CEP85L: variants seen among roughly 807,000 people sequenced by gnomAD.
CEP85L encodes centrosomal protein 85L.
Under a neutral mutation model 100.3 loss-of-function variants are expected in CEP85L, and 60 were observed. The observed-to-expected ratio is 0.60, with a 90% CI of 0.49 to 0.74. The LOEUF (loss-of-function observed/expected upper bound fraction) is 0.74. Ranked by LOEUF, CEP85L falls within the 30% of genes least tolerant of loss-of-function variation. The probability of loss-of-function intolerance (pLI) is 0.00; values close to 1 mark genes in which losing one functional copy is unlikely to be tolerated. For synonymous variants in CEP85L, 319 were observed against 322.7 expected (o/e 0.99, Z 0.12); for missense variants, 973 against 936.2 (o/e 1.04, Z -0.51).
chr6:118,611,513 A>C (rs1055574049), intron 2 of CEP85L, among the ~76,000 whole-genome samples: 1 of 152,180 alleles, frequency 6.6e-6, no homozygotes, highest in Non-Finnish European at 1.5e-5. Context: ...CATATAAATA[A>C]TTACATTAAA....
chr6:118,493,634 G>T (rs1349956703), intron 5 of CEP85L, among the ~76,000 whole-genome samples: 1 of 152,112 alleles, frequency 6.6e-6, no homozygotes, highest in Non-Finnish European at 1.5e-5. Flanking sequence ...TAGAGAAAAT[G>T]ATTATTTAAA....
chr6:118,471,146 C>G (rs1425470079), intron 10 of CEP85L, among the ~76,000 whole-genome samples: 3 of 151,998 alleles, frequency 2.0e-5, no homozygotes, highest in African/African-American at 7.2e-5. Context: ...AGTGAATATA[C>G]TGTGAACTCT....
intron 1 of CEP85L, among the ~76,000 whole-genome samples, chr6:118,693,746 G>A (rs1777118222): frequency 6.6e-6 from 1 of 152,294 alleles, no homozygotes; most frequent in African/African-American, 2.4e-5. Context: ...ATCACAGCTG[G>A]CCCAATTGGC....
intron 2 of CEP85L, among the ~76,000 whole-genome samples, chr6:118,609,725 A>G (rs1772481724): frequency 6.6e-6 from 1 of 152,230 alleles, no homozygotes; most frequent in Non-Finnish European, 1.5e-5. Context: ...ATTGAAGTAG[A>G]ATGTACACTA....
chr6:118,665,194 C>T (rs1218672302), intron 1 of CEP85L, among the ~76,000 whole-genome samples: 1 of 152,084 alleles, frequency 6.6e-6, no homozygotes, highest in Non-Finnish European at 1.5e-5. Context: ...CCTGTATGCT[C>T]CACTGCCCCC....
intron 2 of CEP85L, among the ~76,000 whole-genome samples, chr6:118,617,046 A>T (rs1189507697): frequency 2.0e-5 from 3 of 151,942 alleles, no homozygotes; most frequent in African/African-American, 7.3e-5. Flanking sequence ...AAATAAAAAT[A>T]AAAAAAATTT....
intron 1 of CEP85L, among the ~76,000 whole-genome samples, chr6:118,663,845 A>T (rs192749821): frequency 6.6e-6 from 1 of 152,124 alleles, no homozygotes; most frequent in African/African-American, 2.4e-5. Flanking sequence ...TACCTAACAC[A>T]ATGTAAGTGC....
chr6:118,531,421 C>T lies in CEP85L; in HGVS notation c.1021-7501G>A, dbSNP rs1777285784. Among the ~76,000 whole-genome samples, 2 of 152,022 alleles carry T rather than the reference C, an allele frequency of 1.3e-5. 1 individual carries two copies. Among genetic ancestry groups the T allele is most frequent in the Admixed American group, 1.3e-4 (2 of 15,264 alleles). On this transcript the variant is annotated intron_variant, in intron 3 of 12. Coordinates refer to ENST00000368491, the MANE Select transcript of CEP85L (RefSeq NM_001042475.3). ...AACTATAAAAACCCTGGAGAATAAC[C>T]TAGGAAATACCATTGTGGACACAGG...
Position 118,632,616 on chromosome 6 carries a change from A to G in CEP85L, c.74-5T>C. The G allele has an allele frequency of 6.2e-7, 1 of 1,605,222 alleles. No individual in the cohort carries two copies. Among genetic ancestry groups the G allele is most frequent in the Non-Finnish European group, 8.5e-7 (1 of 1,177,168 alleles). ...ATGCTGATGAATAATCTGGGCCTAA[A>G]AAGGGAAATATGTAACAGTTAACAC... On this transcript the variant is annotated splice_region_variant and splice_polypyrimidine_tract_variant and intron_variant, in intron 1 of 12. Transcript: ENST00000368491.
intron 10 of CEP85L, among the ~76,000 whole-genome samples, chr6:118,474,521 T>C (rs1033886619): frequency 2.2e-4 from 33 of 152,166 alleles, no homozygotes; most frequent in African/African-American, 7.5e-4. Flanking sequence ...GAAGCTTACA[T>C]TGAGTGCAGA....
chr6:118,472,130 C>T (rs891580637), intron 10 of CEP85L, among the ~76,000 whole-genome samples: 28 of 151,632 alleles, frequency 1.8e-4, no homozygotes, highest in African/African-American at 6.3e-4. Context: ...TACATTGTAA[C>T]AGAATACAGT....
intron 5 of CEP85L, among the ~76,000 whole-genome samples, chr6:118,499,242 CAAAAG>C (rs1421688541): frequency 6.6e-6 from 1 of 152,030 alleles, no homozygotes; most frequent in Admixed American, 6.6e-5. Context: ...CTGAAATAAA[CAAAAG>C]AAACTAAAAG....
chr6:118,656,409 A>C (rs1775789206), upstream of CEP85L, among the ~76,000 whole-genome samples: 2 of 152,194 alleles, frequency 1.3e-5, no homozygotes, highest in Non-Finnish European at 2.9e-5. Flanking sequence ...AGGGAGTAAA[A>C]GTTGGAAAGA....
intron 1 of CEP85L, among the ~76,000 whole-genome samples, chr6:118,640,180 A>AACT (rs2115348240): frequency 6.6e-6 from 1 of 152,320 alleles, no homozygotes; most frequent in African/African-American, 2.4e-5. Context: ...ACAAATCTGG[A>AACT]ACTACACTGC....
chr6:118,511,930 A>G (rs553521037), intron 4 of CEP85L, among the ~76,000 whole-genome samples: 43 of 152,046 alleles, frequency 2.8e-4, no homozygotes, highest in Non-Finnish European at 5.1e-4. Context: ...TTCGTCATAT[A>G]ACACTTTTCA....
intron 4 of CEP85L, among the ~76,000 whole-genome samples, chr6:118,515,951 A>G (rs1050996377): frequency 6.6e-6 from 1 of 151,892 alleles, no homozygotes; most frequent in Non-Finnish European, 1.5e-5. Context: ...TCCCTGTGTC[A>G]GTGTGTTCTC....
chr6:118,669,592 G>T (rs1016027886), intron 1 of CEP85L, among the ~76,000 whole-genome samples: 4 of 151,860 alleles, frequency 2.6e-5, no homozygotes, highest in African/African-American at 7.3e-5. Context: ...TTAGAAATTT[G>T]CCCTCCCTCC....
chr6:118,700,819 C>A (rs1015649055), intron 1 of CEP85L, among the ~76,000 whole-genome samples: 1 of 152,146 alleles, frequency 6.6e-6, no homozygotes, highest in Non-Finnish European at 1.5e-5. Flanking sequence ...AATGGTAAAA[C>A]CTGTGTGAAA....
chr6:118,628,653 CA>C (rs1397659496), intron 2 of CEP85L, among the ~76,000 whole-genome samples: 3 of 151,536 alleles, frequency 2.0e-5, no homozygotes, highest in Non-Finnish European at 4.4e-5. Flanking sequence ...AACAAACAAA[CA>C]AACAAACAAA....
Sources: allele counts gnomAD v4.1 joint callset (sites outside exome capture counted in the v4.1 genomes callset), GRCh38; gene constraint gnomAD v4.1.1; transcripts MANE v1.5; gene names NCBI Gene and HGNC (gene_info 2026-07-23, HGNC 2026-07-21).